PPP1R9A: variants seen among roughly 807,000 people sequenced by gnomAD.
PPP1R9A encodes protein phosphatase 1 regulatory subunit 9A.
Under a neutral mutation model 141.9 loss-of-function variants are expected in PPP1R9A, and 59 were observed. The observed-to-expected ratio is 0.42, with a 90% CI of 0.34 to 0.52. The LOEUF is 0.52. Among genes scored for constraint, PPP1R9A ranks in the 20% least tolerant of loss-of-function variants. PPP1R9A has a pLI of 0.10. For synonymous variants in PPP1R9A, 500 were observed against 569.7 expected (o/e 0.88, Z 1.74); for missense variants, 1,444 against 1,611.9 (o/e 0.90, Z 1.78).
chr7:95,204,494 C>A (rs1430729276), intron 7 of PPP1R9A, among the ~76,000 whole-genome samples: 2 of 152,072 alleles, frequency 1.3e-5, no homozygotes, highest in East Asian at 3.8e-4. Flanking sequence ...TAGCAACAGT[C>A]ATTGTCACCA....
At chr7:95,267,269 A>G (rs920445414) in intron 12 of PPP1R9A, among the ~76,000 whole-genome samples, 2 of 152,122 alleles carry the variant, frequency 1.3e-5, no homozygotes, top group African/African-American at 4.8e-5. Flanking sequence ...GCCTGAGCTA[A>G]TAATATTATA....
intron 12 of PPP1R9A, among the ~76,000 whole-genome samples, chr7:95,259,926 C>G (rs921575164): frequency 1.3e-5 from 2 of 152,000 alleles, no homozygotes; most frequent in African/African-American, 4.8e-5. Context: ...TTTTTGCATA[C>G]AGATATAATG....
At chr7:94,916,253 T>C (rs929573264) in intron 2 of PPP1R9A, among the ~76,000 whole-genome samples, 6 of 152,204 alleles carry the variant, frequency 3.9e-5, no homozygotes, top group African/African-American at 1.4e-4. Context: ...ACCTCTATAA[T>C]AGAATTTCAT....
chr7:94,944,832 A>G (rs1472752139), intron 2 of PPP1R9A, among the ~76,000 whole-genome samples: 1 of 152,050 alleles, frequency 6.6e-6, no homozygotes, highest in Non-Finnish European at 1.5e-5. Context: ...TCAGATGTAT[A>G]TGGAAAGTTA....
intron 2 of PPP1R9A, among the ~76,000 whole-genome samples, chr7:94,998,740 T>C (rs1175457273): frequency 6.6e-6 from 1 of 152,216 alleles, no homozygotes; most frequent in African/African-American, 2.4e-5. Flanking sequence ...AAAAACTGTA[T>C]GAAGATGGCT....
intron 5 of PPP1R9A, among the ~76,000 whole-genome samples, chr7:95,176,139 A>G (rs1367362569): frequency 6.6e-6 from 1 of 152,108 alleles, no homozygotes; most frequent in Non-Finnish European, 1.5e-5. Flanking sequence ...TTTTGCTAGT[A>G]TCCATGGCTG....
At chr7:95,134,781 G>C (rs1825339429) in intron 4 of PPP1R9A, among the ~76,000 whole-genome samples, 2 of 152,166 alleles carry the variant, frequency 1.3e-5, no homozygotes, top group Non-Finnish European at 2.9e-5. Flanking sequence ...TGAGTGGAAT[G>C]ATTCCAGTTT....
At chr7:94,934,410 A>C (rs540960427) in intron 2 of PPP1R9A, among the ~76,000 whole-genome samples, 4 of 152,266 alleles carry the variant, frequency 2.6e-5, no homozygotes, top group Non-Finnish European at 5.9e-5. Flanking sequence ...AACATGTGGT[A>C]TGAATTTGAG....
intron 16 of PPP1R9A, among the ~76,000 whole-genome samples, chr7:95,274,782 A>T (rs956509437): frequency 6.6e-6 from 1 of 152,150 alleles, no homozygotes; most frequent in African/African-American, 2.4e-5. Flanking sequence ...TTGTATAGGG[A>T]GTCAGTAAAG....
At chr7:95,128,568 C>CGTTTGTTT (rs372584781) in intron 4 of PPP1R9A, among the ~76,000 whole-genome samples, 2 of 151,732 alleles carry the variant, frequency 1.3e-5, no homozygotes, top group African/African-American at 4.8e-5. Context: ...GTTTTCTGTT[C>CGTTTGTTT]GTTTGTTTGT....
Position 94,910,640 on chromosome 7 carries a change from G to A in PPP1R9A, c.527G>A (p.Gly176Glu). Residue 176 changes from glycine (G) to glutamate (E), a missense_variant, in exon 2 of 20, where the codon GGA (glycine) becomes GAA (glutamate). Physicochemically the swap from Gly to Glu is moderately conservative, Grantham distance 98. Around this residue, in one of 5 missense-constraint regions of PPP1R9A, gnomAD observed 490 missense variants for 521.1 expected, o/e 0.94. Coordinates refer to ENST00000433360, the MANE Select transcript of PPP1R9A (RefSeq NM_001166160.2). The surrounding 1 kb of genome is among the most constrained non-coding windows in gnomAD (Gnocchi z 4.5). Reference protein sequence around the residue: ...AGGSEPQDEWGGSKSNRGSTD... With the variant: ...AGGSEPQDEWEGSKSNRGSTD... Reference sequence around the variant, plus strand: ...GGGAGTGAACCTCAGGATGAATGGGGAGGTTCCAAGTCCAACAGAGGCAGT... The same window carrying A: ...GGGAGTGAACCTCAGGATGAATGGGAAGGTTCCAAGTCCAACAGAGGCAGT... 1 of 1,614,170 alleles carries A rather than the reference G, an allele frequency of 6.2e-7. No individual in the cohort carries two copies. Among genetic ancestry groups the A allele is most frequent in the Non-Finnish European group, 8.5e-7 (1 of 1,180,028 alleles).
chr7:95,209,193 A>T (rs556458112), intron 7 of PPP1R9A, among the ~76,000 whole-genome samples: 1 of 152,322 alleles, frequency 6.6e-6, no homozygotes, highest in Admixed American at 6.5e-5. Context: ...AATATAATTT[A>T]AAATCTGCTG....
intron 7 of PPP1R9A, among the ~76,000 whole-genome samples, chr7:95,211,441 C>T (rs1792105734): frequency 6.6e-6 from 1 of 152,104 alleles, no homozygotes; most frequent in African/African-American, 2.4e-5. Flanking sequence ...CTTTAAATCC[C>T]TGGTATTGGT....
At chr7:94,946,792 C>G (rs1563030131) in intron 2 of PPP1R9A, among the ~76,000 whole-genome samples, 1 of 152,072 alleles carries the variant, frequency 6.6e-6, no homozygotes, top group East Asian at 1.9e-4. Flanking sequence ...ATCTTAGTTA[C>G]TGTATTTTAA....
At chr7:95,093,386 AAGC>A (rs1290519718) in intron 2 of PPP1R9A, among the ~76,000 whole-genome samples, 11 of 152,204 alleles carry the variant, frequency 7.2e-5, no homozygotes, top group Admixed American at 7.2e-4. Flanking sequence ...AAATACTTGT[AAGC>A]ATTTTAATTC....
At chr7:94,942,833 A>G (rs538393723) in intron 2 of PPP1R9A, among the ~76,000 whole-genome samples, 1 of 150,650 alleles carries the variant, frequency 6.6e-6, no homozygotes, top group Admixed American at 6.6e-5. Context: ...AAATAAATAA[A>G]TAAATAAATA....
chr7:94,971,714 A>G (rs1467320617), intron 2 of PPP1R9A, among the ~76,000 whole-genome samples: 3 of 152,206 alleles, frequency 2.0e-5, no homozygotes, highest in Non-Finnish European at 2.9e-5. Flanking sequence ...AGCAATAACC[A>G]AAAAAGGTGT....
At chr7:95,069,455 T>C (rs1813454540) in intron 2 of PPP1R9A, among the ~76,000 whole-genome samples, 1 of 151,792 alleles carries the variant, frequency 6.6e-6, no homozygotes, top group East Asian at 1.9e-4. Flanking sequence ...AGGAGGAGTA[T>C]AGGTTGGGTT....
intron 10 of PPP1R9A, 74 bp from the exon 11 acceptor site, chr7:95,251,688 A>G: frequency 7.4e-7 from 1 of 1,344,294 alleles, no homozygotes; most frequent in East Asian, 2.5e-5. Flanking sequence ...CCTACTATGC[A>G]GTTTATTGTT....
Sources: gnomAD v4.1 joint callset for allele counts (sites outside exome capture counted in the v4.1 genomes callset) on GRCh38, gnomAD v4.1.1 for gene constraint, gnomAD v4.1.1 regional missense constraint, Gnocchi (gnomAD v3.1) non-coding constraint, MANE v1.5 for transcripts, NCBI Gene and HGNC (gene_info 2026-07-23, HGNC 2026-07-21) for gene names.